Variants in DNAH5 observed in about 807,000 individuals in gnomAD.
DNAH5 encodes axonemal beta dynein heavy chain 5.
A neutral mutation model predicts 518.2 loss-of-function variants in DNAH5; 372 were observed. The observed-to-expected ratio is 0.72, with a 90% CI of 0.66 to 0.78. The LOEUF (loss-of-function observed/expected upper bound fraction) is 0.78, where lower values mean the gene tolerates loss of function less well. DNAH5 is among the 30% of genes least tolerant of loss of function. The pLI is 0.00. For missense variants in DNAH5, 5,523 were observed against 5,687.0 expected (o/e 0.97, Z 0.93); for synonymous variants, 2,039 against 2,025.9 (o/e 1.01, Z -0.17).
At chr5:13,811,166 T>G (rs578221586) in intron 44 of DNAH5, among the ~76,000 whole-genome samples, 58 of 152,320 alleles carry the variant, frequency 3.8e-4, no homozygotes, top group African/African-American at 1.3e-3. Context: ...TAATTTGTTG[T>G]GCATTTTAGA....
In DNAH5 at chr5:13,701,323, A is replaced by G; in HGVS notation, c.13452T>C (p.Gly4484=). The change falls in exon 77 of 79, where the codon GGT becomes GGC. Residue 4484 remains glycine, a synonymous_variant. Coordinates refer to ENST00000265104, the MANE Select transcript of DNAH5 (RefSeq NM_001369.3). ...NGRPHCFWMT[G]FFNPQGFLTA... is the part of the protein sequence containing the mutation. Reference sequence around the variant, plus strand: ...TTAAAAATCCCTGGGGGTTAAAAAAACCCGTCATCCAAAAGCAGTGAGGTC... The same window carrying G: ...TTAAAAATCCCTGGGGGTTAAAAAAGCCCGTCATCCAAAAGCAGTGAGGTC... 1 of 1,614,084 alleles carries G rather than the reference A, an allele frequency of 6.2e-7. No homozygotes were observed.
At chr5:13,878,577 C>CCTAG (rs1296879792) in intron 21 of DNAH5, among the ~76,000 whole-genome samples, 1 of 152,182 alleles carries the variant, frequency 6.6e-6, no homozygotes, top group East Asian at 1.9e-4. Flanking sequence ...TAAGCCTAGG[C>CCTAG]CTAGCCATTC....
intron 12 of DNAH5, among the ~76,000 whole-genome samples, chr5:13,909,120 T>C (rs1775687678): frequency 6.6e-6 from 1 of 152,138 alleles, no homozygotes; most frequent in Non-Finnish European, 1.5e-5. Context: ...GTGTTGACTT[T>C]CTTTTAAGAA....
rs1772418294 is a variant in DNAH5 at position 13,886,210 on chromosome 5, G to C, written c.2578-81C>G. 3.6e-6 allele frequency: 5 copies of C among 1,395,476 alleles called. No homozygotes were observed. The Admixed American group carries it at 1.0e-4, about 28-fold the overall frequency. The allele number at this position is 1,395,476 out of a possible 1,614,324, so 86.4% of individuals were successfully genotyped here. On this transcript the variant is annotated intron_variant, in intron 17 of 78. Coordinates refer to ENST00000265104, the MANE Select transcript of DNAH5 (RefSeq NM_001369.3). The stretch of plus-strand genomic sequence containing the variant: ...TTTTGAGAGCACAGAAACAGTGGTA[G>C]CAATGCTGTGGCTCAGCCTCCAGGT...
At chr5:13,943,475 C>G (rs1779649026) in intron 1 of DNAH5, among the ~76,000 whole-genome samples, 1 of 152,234 alleles carries the variant, frequency 6.6e-6, no homozygotes, top group Non-Finnish European at 1.5e-5. Flanking sequence ...AACACTAGCA[C>G]TTGGTCTTGA....
intron 55 of DNAH5, among the ~76,000 whole-genome samples, chr5:13,773,289 A>G (rs1026873408): frequency 1.3e-5 from 2 of 152,218 alleles, no homozygotes; most frequent in Non-Finnish European, 2.9e-5. Flanking sequence ...AGGAGGTCCA[A>G]GAAAATGGGA....
intron 65 of DNAH5, among the ~76,000 whole-genome samples, chr5:13,743,525 T>C (rs1748900034): frequency 6.6e-6 from 1 of 151,140 alleles, no homozygotes; most frequent in Non-Finnish European, 1.5e-5. Context: ...ATCAACAGAG[T>C]GAAAAGATAA....
intron 1 of DNAH5, among the ~76,000 whole-genome samples, chr5:13,933,601 G>A (rs1204278553): frequency 6.6e-6 from 1 of 152,000 alleles, no homozygotes; most frequent in Non-Finnish European, 1.5e-5. Flanking sequence ...GACCAGCCTG[G>A]CCAACGTGCC....
intron 34 of DNAH5, 85 bp downstream of exon 34, chr5:13,840,821 A>T (rs1765050883): frequency 2.7e-6 from 3 of 1,125,592 alleles, no homozygotes; most frequent in African/African-American, 3.1e-5. Context: ...CCTTGAATTC[A>T]ATCAAACTAG....
chr5:13,938,690 A>G (rs1779187550), intron 1 of DNAH5, among the ~76,000 whole-genome samples: 1 of 152,132 alleles, frequency 6.6e-6, no homozygotes, highest in Admixed American at 6.6e-5. Context: ...CAGAACTACT[A>G]CATGGTTAAA....
rs745396479 is a variant in DNAH5, at chr5:13,871,049, A to T, written c.3599-47T>A. 6.3e-6 allele frequency: 9 copies of T among 1,427,742 alleles called. No individual in the cohort carries two copies. In the East Asian group the frequency reaches 2.0e-4, roughly 33 times the overall value. 88.4% of individuals were successfully genotyped at this position (1,427,742 alleles called of 1,614,324 possible). A position where few individuals can be genotyped will look rare whatever the true frequency, so the allele number is the denominator to read the frequency against. On this transcript the variant is annotated intron_variant, in intron 23 of 78. Coordinates refer to ENST00000265104, the MANE Select transcript of DNAH5 (RefSeq NM_001369.3). Reference sequence around the variant, plus strand: ...CAGTTCAGTTTTAAAAACTCGAATCAGTACGAAAAGTCAAACTGTCGCTGT... The same window carrying T: ...CAGTTCAGTTTTAAAAACTCGAATCTGTACGAAAAGTCAAACTGTCGCTGT...
intron 47 of DNAH5, among the ~76,000 whole-genome samples, chr5:13,795,542 A>G (rs1158403436): frequency 6.6e-6 from 1 of 152,250 alleles, no homozygotes; most frequent in Non-Finnish European, 1.5e-5. Context: ...AGGCTCTGCA[A>G]TTGAGGCAAT....
At chr5:13,838,356 G>A (rs976879566) in intron 35 of DNAH5, among the ~76,000 whole-genome samples, 3 of 152,110 alleles carry the variant, frequency 2.0e-5, no homozygotes, top group South Asian at 2.1e-4. Flanking sequence ...GGTGGGCGGC[G>A]GGCAAGTGAG....
chr5:13,704,031 A>C (rs1742463673), intron 76 of DNAH5, among the ~76,000 whole-genome samples: 1 of 152,162 alleles, frequency 6.6e-6, no homozygotes, highest in African/African-American at 2.4e-5. Context: ...CCCAGATGAC[A>C]AGGCCTCCAC....
chr5:13,792,671 T>A (rs1260609578), intron 49 of DNAH5, among the ~76,000 whole-genome samples: 1 of 152,216 alleles, frequency 6.6e-6, no homozygotes, highest in Non-Finnish European at 1.5e-5. Flanking sequence ...AACAGTCATT[T>A]TTTTCTGGTC....
In DNAH5 at chr5:13,927,495, G is replaced by A. The variant is rs138455048; in HGVS notation, c.277+599C>T. 1.8e-3 allele frequency among the ~76,000 whole-genome samples: 278 copies of A among 152,048 alleles called. 1 individual carries two copies. The highest frequency in any genetic ancestry group is 4.7e-3 in the African/African-American group (194 of 41,474). On this transcript the variant is annotated intron_variant, in intron 3 of 78. Coordinates refer to ENST00000265104, the MANE Select transcript of DNAH5 (RefSeq NM_001369.3). Reference sequence around the variant, plus strand: ...CTGCACTCCAGTCTGGTGACAGAGCGAGACTCTGTCTCAAAAAATAATAAT... The same window carrying A: ...CTGCACTCCAGTCTGGTGACAGAGCAAGACTCTGTCTCAAAAAATAATAAT...
intron 65 of DNAH5, among the ~76,000 whole-genome samples, chr5:13,749,098 A>G (rs1488654224): frequency 6.6e-6 from 1 of 152,124 alleles, no homozygotes; most frequent in Non-Finnish European, 1.5e-5. Flanking sequence ...GCCTCTTAGA[A>G]CAAGCATACT....
intron 59 of DNAH5, among the ~76,000 whole-genome samples, chr5:13,764,126 G>C (rs1256315509): frequency 1.3e-5 from 2 of 152,168 alleles, no homozygotes; most frequent in Non-Finnish European, 2.9e-5. Flanking sequence ...TTCCCAATTA[G>C]TTGTTTTGAG....
At position 13,870,780 on chromosome 5, in the gene DNAH5, A is replaced by G. The variant is rs761168416; in HGVS notation, c.3821T>C (p.Val1274Ala). The G allele has an allele frequency of 2.4e-5, 39 of 1,612,976 alleles. No individual in the cohort carries two copies. Among genetic ancestry groups the G allele is most frequent in the Middle Eastern group, 3.3e-4 (2 of 6,080 alleles). ...REEQISIDFQ[V>A]GPIEESYALL... ...ATCATTAGTTACCTCAATAGGTCCT[A>G]CTTGAAAGTCAATGGAGATTTGCTC... Residue 1274 changes from valine (V) to alanine (A), a missense_variant, in exon 24 of 79, where the codon GTA (valine) becomes GCA (alanine). Physicochemically the swap from Val to Ala is moderately conservative, Grantham distance 64. Transcript: ENST00000265104.
Sources: gnomAD v4.1 joint callset for allele counts (sites outside exome capture counted in the v4.1 genomes callset) on GRCh38, gnomAD v4.1.1 for gene constraint, MANE v1.5 for transcripts, NCBI Gene and HGNC (gene_info 2026-07-23, HGNC 2026-07-21) for gene names.